Variants in MSRA observed in about 807,000 individuals in gnomAD.
The protein encoded by MSRA is methionine sulfoxide reductase A, also known as mitochondrial peptide methionine sulfoxide reductase.
A neutral mutation model predicts 31.3 loss-of-function variants in MSRA; 54 were observed. That is an observed-to-expected ratio of 1.73 (90% confidence interval 1.39 to 2.17). The LOEUF (loss-of-function observed/expected upper bound fraction) is 2.17, where lower values mean the gene tolerates loss of function less well. MSRA is among the 30% of genes most tolerant of loss of function. The pLI is 0.00. For synonymous variants in MSRA, 169 were observed against 116.5 expected (o/e 1.45, Z -2.90); for missense variants, 507 against 300.9 (o/e 1.69, Z -5.07).
intron 3 of MSRA, among the ~76,000 whole-genome samples, chr8:10,279,953 T>C (rs2129106418): frequency 6.6e-6 from 1 of 152,364 alleles, no homozygotes; most frequent in East Asian, 1.9e-4. Flanking sequence ...TAAAGACAAC[T>C]AGGCCTGATA....
At chr8:10,399,323 T>G (rs1300884755) in intron 5 of MSRA, among the ~76,000 whole-genome samples, 2 of 152,212 alleles carry the variant, frequency 1.3e-5, no homozygotes, top group African/African-American at 4.8e-5. Flanking sequence ...GTTTGTCTCC[T>G]CCAAAACTCA....
intron 3 of MSRA, among the ~76,000 whole-genome samples, chr8:10,246,385 C>T (rs1375743166): frequency 1.3e-5 from 2 of 152,184 alleles, no homozygotes; most frequent in East Asian, 3.9e-4. Flanking sequence ...TCCTTTCCTG[C>T]CAGCTCAGAT....
chr8:10,166,268 T>C (rs910289987), intron 1 of MSRA, among the ~76,000 whole-genome samples: 4 of 152,196 alleles, frequency 2.6e-5, no homozygotes, highest in African/African-American at 4.8e-5. Context: ...CAGAATATTA[T>C]TAATGAAATT....
At chr8:10,309,774 G>C (rs540315836) in intron 4 of MSRA, among the ~76,000 whole-genome samples, 1 of 152,252 alleles carries the variant, frequency 6.6e-6, no homozygotes, top group East Asian at 1.9e-4. Context: ...TGGTGTCCTT[G>C]GGCTGCATGG....
intron 1 of MSRA, among the ~76,000 whole-genome samples, chr8:10,187,748 G>C (rs1010904966): frequency 3.3e-5 from 5 of 152,132 alleles, no homozygotes; most frequent in Admixed American, 1.3e-4. Context: ...AAGTGTATTT[G>C]ATAAACATCA....
intron 1 of MSRA, among the ~76,000 whole-genome samples, chr8:10,080,346 C>A (rs554581581): frequency 6.7e-6 from 1 of 148,808 alleles, no homozygotes; most frequent in African/African-American, 2.5e-5. Flanking sequence ...AAATTTCTTA[C>A]AGAGACCAAC....
intron 3 of MSRA, among the ~76,000 whole-genome samples, chr8:10,268,862 C>T (rs1798881742): frequency 6.6e-6 from 1 of 152,240 alleles, no homozygotes; most frequent in Non-Finnish European, 1.5e-5. Context: ...TCCTGGAATT[C>T]AGGTACAATT....
intron 5 of MSRA, among the ~76,000 whole-genome samples, chr8:10,370,112 G>A (rs1437378605): frequency 3.3e-5 from 5 of 152,112 alleles, no homozygotes; most frequent in African/African-American, 1.2e-4. Flanking sequence ...CATTTGTCTC[G>A]TGTTTTGCAG....
intron 4 of MSRA, among the ~76,000 whole-genome samples, chr8:10,304,895 A>G (rs2129127585): frequency 6.6e-6 from 1 of 152,330 alleles, no homozygotes; most frequent in East Asian, 1.9e-4. Flanking sequence ...GGTTCTTTTC[A>G]GAAACAAAAG....
chr8:10,198,556 T>G (rs1468919314), intron 1 of MSRA, among the ~76,000 whole-genome samples: 2 of 152,222 alleles, frequency 1.3e-5, no homozygotes, highest in Non-Finnish European at 2.9e-5. Flanking sequence ...TCAATTCTGA[T>G]TATCTCCTAC....
intron 1 of MSRA, among the ~76,000 whole-genome samples, chr8:10,057,456 T>G (rs1326676476): frequency 6.6e-6 from 1 of 152,232 alleles, no homozygotes; most frequent in African/African-American, 2.4e-5. Context: ...GTGCCTTCCA[T>G]TTTGTTAAGA....
chr8:10,152,130 G>T (rs1162765722), intron 1 of MSRA, among the ~76,000 whole-genome samples: 1 of 152,204 alleles, frequency 6.6e-6, no homozygotes. Context: ...ATTTGTGTGT[G>T]TATTGCAGTG....
intron 2 of MSRA, among the ~76,000 whole-genome samples, chr8:10,244,124 G>A (rs1797482130): frequency 6.6e-6 from 1 of 152,150 alleles, no homozygotes; most frequent in Non-Finnish European, 1.5e-5. Flanking sequence ...GAGGTGTATA[G>A]TGTATATTAA....
intron 3 of MSRA, among the ~76,000 whole-genome samples, chr8:10,286,261 T>C (rs1317496255): frequency 6.6e-6 from 1 of 152,164 alleles, no homozygotes; most frequent in Non-Finnish European, 1.5e-5. Context: ...CACCCAGATC[T>C]CATCTTGAAT....
intron 5 of MSRA, among the ~76,000 whole-genome samples, chr8:10,373,808 C>T (rs765732803): frequency 6.6e-6 from 1 of 152,220 alleles, no homozygotes; most frequent in Non-Finnish European, 1.5e-5. Flanking sequence ...GGAGCTTAGA[C>T]CTGGTAGGGT....
intron 5 of MSRA, among the ~76,000 whole-genome samples, chr8:10,386,468 C>T (rs572559130): frequency 7.2e-5 from 11 of 152,300 alleles, no homozygotes; most frequent in East Asian, 1.9e-4. Flanking sequence ...ATAGACAAAG[C>T]AGTCTAACAA....
At chr8:10,261,753 T>C (rs1310592579) in intron 3 of MSRA, among the ~76,000 whole-genome samples, 1 of 152,196 alleles carries the variant, frequency 6.6e-6, no homozygotes, top group Non-Finnish European at 1.5e-5. Context: ...GGGTTCCCTT[T>C]TGGTGGTGTA....
At chr8:10,093,935 C>G (rs759924341) in intron 1 of MSRA, among the ~76,000 whole-genome samples, 12 of 152,298 alleles carry the variant, frequency 7.9e-5, no homozygotes, top group Non-Finnish European at 1.6e-4. Flanking sequence ...TGTTATCCCA[C>G]TGCTTTCTGG....
At chr8:10,079,855 C>T (rs2128922474) in intron 1 of MSRA, among the ~76,000 whole-genome samples, 2 of 152,290 alleles carry the variant, frequency 1.3e-5, no homozygotes, top group Admixed American at 1.3e-4. Flanking sequence ...ATTTGCTGTG[C>T]AGCTTTGAGC....
Sources: gnomAD v4.1 joint callset for allele counts (sites outside exome capture counted in the v4.1 genomes callset) on GRCh38, gnomAD v4.1.1 for gene constraint, MANE v1.5 for transcripts, NCBI Gene and HGNC (gene_info 2026-07-23, HGNC 2026-07-21) for gene names.